The following MED13 variants were observed in gnomAD, a reference collection of about 807,000 sequenced individuals.
MED13 encodes the protein mediator of RNA polymerase II transcription subunit 13.
In MED13, 23 loss-of-function variants were observed where a neutral mutation model predicts 225.2. That is an observed-to-expected ratio of 0.10 (90% CI 0.07 to 0.14). MED13 has a LOEUF of 0.14. MED13 is among the 10% of genes least tolerant of loss of function. The pLI is 1.00. For missense variants in MED13, 2,197 were observed against 2,594.5 expected, an observed-to-expected ratio of 0.85 and a Z score of 3.33; for synonymous variants, 942 against 889.2, an observed-to-expected ratio of 1.06 and a Z score of -1.06.
intron 28 of MED13, among the ~76,000 whole-genome samples, chr17:61,948,162 A>G (rs938293654): frequency 2.0e-5 from 3 of 152,222 alleles, no homozygotes; most frequent in African/African-American, 7.2e-5. Context: ...AAGCAAAGAG[A>G]AACAAACCAG....
rs1248013926 is a variant in MED13, at chr17:61,984,735, T to C, written c.2607A>G (p.Leu869=). Residue 869 remains leucine, a synonymous_variant, in exon 14 of 30, where the codon CTA becomes CTG. Coordinates refer to ENST00000397786, the MANE Select transcript of MED13 (RefSeq NM_005121.3). Reference sequence around the variant, plus strand: ...CTCCTATACTAGAACTATTTCCTTCTAGAACAGTTCCTCCAGGTGTTGTAT... The same window carrying C: ...CTCCTATACTAGAACTATTTCCTTCCAGAACAGTTCCTCCAGGTGTTGTAT... The part of the protein sequence containing the change: ...SMDTTPGGTV[L]EGNSSSIGAQ... The C allele has an allele frequency of 5.6e-6, 9 of 1,613,848 alleles. No individual in the cohort carries two copies. The highest frequency in any genetic ancestry group is 2.2e-5 in the East Asian group (1 of 44,868).
chr17:62,031,686 G>T, intron 5 of MED13, 48 bp from the exon 6 acceptor site: 1 of 1,304,104 alleles, frequency 7.7e-7, no homozygotes, highest in Non-Finnish European at 1.0e-6. Context: ...TTTGTGACTA[G>T]TGAATTAGTT....
chr17:62,062,105 A>G (rs2081043391), intron 2 of MED13, among the ~76,000 whole-genome samples: 1 of 152,206 alleles, frequency 6.6e-6, no homozygotes, highest in African/African-American at 2.4e-5. Context: ...ACAATAACAA[A>G]AACTTCAGAG....
chr17:62,055,044 T>TA (rs944380663), intron 2 of MED13, among the ~76,000 whole-genome samples: 4 of 151,994 alleles, frequency 2.6e-5, no homozygotes, highest in Non-Finnish European at 4.4e-5. Flanking sequence ...AAATAGTAAA[T>TA]AAAAAAATCT....
At chr17:62,044,744 C>A (rs2080884376) in intron 3 of MED13, among the ~76,000 whole-genome samples, 1 of 152,198 alleles carries the variant, frequency 6.6e-6, no homozygotes, top group Non-Finnish European at 1.5e-5. Flanking sequence ...CTCACTGCAA[C>A]CTCCACCTCC....
chr17:61,996,610 GC>G (rs2080349121), intron 9 of MED13, among the ~76,000 whole-genome samples: 1 of 151,926 alleles, frequency 6.6e-6, no homozygotes, highest in Admixed American at 6.6e-5. Flanking sequence ...CCAAATATCT[GC>G]ATGGCCAACT....
intron 8 of MED13, among the ~76,000 whole-genome samples, chr17:62,016,629 TATAAA>T (rs2080584369): frequency 1.3e-5 from 2 of 152,220 alleles, no homozygotes; most frequent in African/African-American, 4.8e-5. Flanking sequence ...CAAGACATGT[TATAAA>T]ATAAAGAAAT....
intron 8 of MED13, among the ~76,000 whole-genome samples, chr17:62,013,025 T>C (rs1245276864): frequency 6.6e-6 from 1 of 150,650 alleles, no homozygotes; most frequent in African/African-American, 2.4e-5. Context: ...TCTCTTGACC[T>C]CGTGATCCGC....
chr17:61,970,735 T>TC (rs1267456836), intron 17 of MED13, among the ~76,000 whole-genome samples: 4 of 149,226 alleles, frequency 2.7e-5, no homozygotes, highest in Non-Finnish European at 5.9e-5. Flanking sequence ...GGTTTTTTTT[T>TC]TTTTTTTCTT....
chr17:61,991,705 T>G (rs1312657664), intron 11 of MED13, among the ~76,000 whole-genome samples: 1 of 152,162 alleles, frequency 6.6e-6, no homozygotes, highest in Non-Finnish European at 1.5e-5. Context: ...AGACGGGGTT[T>G]CACCATGTTG....
At chr17:61,954,248 G>A (rs538079099) in intron 26 of MED13, among the ~76,000 whole-genome samples, 2 of 152,090 alleles carry the variant, frequency 1.3e-5, no homozygotes, top group South Asian at 4.1e-4. Flanking sequence ...AGAGATGTGA[G>A]AGTTTTTAAG....
chr17:61,991,493 C>T (rs1481430268), intron 11 of MED13, among the ~76,000 whole-genome samples: 1 of 151,768 alleles, frequency 6.6e-6, no homozygotes, highest in East Asian at 1.9e-4. Flanking sequence ...GCATGCACCA[C>T]CACGCCCAGC....
chr17:61,954,919 C>A (rs1364099645), intron 26 of MED13, among the ~76,000 whole-genome samples: 1 of 152,206 alleles, frequency 6.6e-6, no homozygotes, highest in Non-Finnish European at 1.5e-5. Context: ...AAAAACAACA[C>A]ATATTTATTT....
At chr17:62,045,094 T>C (rs2080887517) in intron 3 of MED13, among the ~76,000 whole-genome samples, 1 of 152,226 alleles carries the variant, frequency 6.6e-6, no homozygotes, top group South Asian at 2.1e-4. Flanking sequence ...AAGATTAAAG[T>C]ATGTATTAAA....
rs1187015051 is a variant in MED13 at position 61,943,000 on chromosome 17, T to C, written c.*3468A>G. On this transcript the variant is annotated 3_prime_UTR_variant, in exon 30 of 30. Coordinates refer to ENST00000397786, the MANE Select transcript of MED13 (RefSeq NM_005121.3). ...CATGAATACATCAACCTGAGGAGTA[T>C]TTTAGGTCCCAAATCCAGTTTTTAA... 3.9e-5 allele frequency: 6 copies of C among 152,538 alleles called. No homozygotes were observed. Among genetic ancestry groups the C allele is most frequent in the Non-Finnish European group, 8.8e-5 (6 of 67,996 alleles). 9.4% of individuals were successfully genotyped at this position (152,538 alleles called of 1,614,324 possible). A position where few individuals can be genotyped will look rare whatever the true frequency, so the allele number is the denominator to read the frequency against.
At chr17:62,030,495 G>A (rs2080745222) in intron 6 of MED13, 1 of 152,590 alleles carries the variant, frequency 6.6e-6, no homozygotes, top group Non-Finnish European at 1.5e-5. Context: ...GTGGGGTTTG[G>A]AGGCCAGGAT....
At position 61,995,218 on chromosome 17, in the gene MED13, C is replaced by T; in HGVS notation, c.2115G>A (p.Glu705=). ...IDPYAFVEGD[E]EFLFPDKKDR... ...CTTTTTTATCAGGAAAAAGGAATTCCTCATCTCCTTCAACAAATGCATATG... is the reference window on the plus strand; with the variant it reads ...CTTTTTTATCAGGAAAAAGGAATTCTTCATCTCCTTCAACAAATGCATATG... The change falls in exon 10 of 30, where the codon GAG becomes GAA. Residue 705 remains glutamate, a synonymous_variant. Coordinates refer to ENST00000397786, the MANE Select transcript of MED13 (RefSeq NM_005121.3). 2 of 1,613,770 alleles carry T rather than the reference C, an allele frequency of 1.2e-6. No individual in the cohort carries two copies. Among genetic ancestry groups the T allele is most frequent in the Non-Finnish European group, 1.7e-6 (2 of 1,179,896 alleles).
chr17:62,019,902 C>G (rs1174318891), intron 8 of MED13, among the ~76,000 whole-genome samples: 1 of 151,960 alleles, frequency 6.6e-6, no homozygotes, highest in Non-Finnish European at 1.5e-5. Context: ...CACCACCAAG[C>G]CTGGCTAATT....
intron 26 of MED13, 63 bp from the exon 27 acceptor site, chr17:61,953,176 G>C: frequency 6.6e-7 from 1 of 1,505,628 alleles, no homozygotes; most frequent in Middle Eastern, 1.8e-4. Context: ...TCATTCACAG[G>C]AAAGGGTCAA....
Sources: allele counts gnomAD v4.1 joint callset (sites outside exome capture counted in the v4.1 genomes callset), GRCh38; gene constraint gnomAD v4.1.1; transcripts MANE v1.5; gene names NCBI Gene and HGNC (gene_info 2026-07-23, HGNC 2026-07-21).